ESYT3: variants seen among roughly 807,000 people sequenced by gnomAD.
ESYT3 encodes extended synaptotagmin-3.
A neutral mutation model predicts 111.5 loss-of-function variants in ESYT3; 101 were observed. The ratio of observed to expected loss-of-function variants is 0.91; its 90% CI spans 0.77 to 1.07. The LOEUF (loss-of-function observed/expected upper bound fraction) is 1.07. Among genes scored for constraint, ESYT3 ranks in the 50% least tolerant of loss-of-function variants. The pLI, the probability that ESYT3 is intolerant of heterozygous loss-of-function variation, is 0.00. For missense variants in ESYT3, 1,097 were observed against 1,109.4 expected (o/e 0.99, Z 0.16); for synonymous variants, 416 against 446.8 (o/e 0.93, Z 0.87).
In ESYT3 at chr3:138,460,680, A is replaced by G. The variant is rs377445374; in HGVS notation, c.794+14A>G. On this transcript the variant is annotated intron_variant, in intron 7 of 22. Coordinates refer to ENST00000389567, the MANE Select transcript of ESYT3 (RefSeq NM_031913.5). ...GCCGGGAATCAAGTAGGTGCCTGGG[A>G]GAGCCTCGAGGGAGATCATAAGTTT... 1.9e-6 allele frequency: 3 copies of G among 1,613,928 alleles called. No homozygotes were observed. Among genetic ancestry groups the G allele is most frequent in the South Asian group, 1.1e-5 (1 of 91,084 alleles).
At chr3:138,451,799 C>A (rs2031946970) in intron 1 of ESYT3, among the ~76,000 whole-genome samples, 1 of 151,102 alleles carries the variant, frequency 6.6e-6, no homozygotes, top group South Asian at 2.1e-4. Flanking sequence ...GGTGCCAGCT[C>A]GTTGTCTGTT....
Position 138,472,609 on chromosome 3 carries a change from G to A in ESYT3, c.1987G>A (p.Gly663Ser). The A allele has an allele frequency of 1.2e-6, 2 of 1,614,206 alleles. No homozygotes were observed. Among genetic ancestry groups the A allele is most frequent in the East Asian group, 4.5e-5 (2 of 44,886 alleles). Reference protein sequence around the residue: ...VATEPTSQETGPEPKGKDSAK... With the variant: ...VATEPTSQETSPEPKGKDSAK... ...CACTGAGCCCACATCCCAAGAGACA[G>A]GCCCAGAGCCTAAAGGCAAGGACAG... is the stretch of plus-strand genomic sequence containing the variant. Residue 663 changes from glycine (G) to serine (S), a missense_variant, in exon 18 of 23, where the codon GGC (glycine) becomes AGC (serine). Physicochemically the swap from Gly to Ser is moderately conservative, Grantham distance 56. Transcript: ENST00000389567.
rs2032207346 is a variant in ESYT3 at position 138,455,292 on chromosome 3, G to GACCTTT, written c.478_483dup (p.Phe160_Thr161dup). 1.9e-6 allele frequency: 3 copies of GACCTTT among 1,613,970 alleles called. No individual in the cohort carries two copies. The African/African-American group carries it at 4.0e-5, about 22-fold the overall frequency. Reference sequence around the variant, plus strand: ...TCCGAGAGAAGAGCATCCACCTGAGGACCTTTACCTTTACCAAGCTCTACT... The same window carrying GACCTTT: ...TCCGAGAGAAGAGCATCCACCTGAGGACCTTTACCTTTACCTTTACCAAGCTCTACT... On this transcript the variant is annotated inframe_insertion, in exon 3 of 23. Coordinates refer to ENST00000389567, the MANE Select transcript of ESYT3 (RefSeq NM_031913.5).
intron 2 of ESYT3, 74 bp downstream of exon 2, chr3:138,452,163 A>G (rs2031982510): frequency 6.9e-7 from 1 of 1,444,726 alleles, no homozygotes; most frequent in Non-Finnish European, 9.5e-7. Context: ...TCACCCCCAC[A>G]GCCTGATGGG....
chr3:138,457,355 T>C (rs183245542), intron 3 of ESYT3, among the ~76,000 whole-genome samples: 222 of 152,236 alleles, frequency 1.5e-3, no homozygotes, highest in African/African-American at 5.1e-3. Flanking sequence ...TCTGTGTGGC[T>C]GTGTGAGTAG....
intron 10 of ESYT3, among the ~76,000 whole-genome samples, chr3:138,466,898 C>CTGCT (rs965194234): frequency 6.6e-6 from 1 of 152,146 alleles, no homozygotes; most frequent in Admixed American, 6.5e-5. Context: ...GATGTCCCCG[C>CTGCT]TTCTTTTTAA....
At chr3:138,469,356 TCC>T in intron 14 of ESYT3, 78 bp from the exon 15 acceptor site, 1 of 1,249,166 alleles carries the variant, frequency 8.0e-7, no homozygotes, top group Non-Finnish European at 1.2e-6. Context: ...CCCCAGATGC[TCC>T]TGGGGGTTGG....
intron 1 of ESYT3, among the ~76,000 whole-genome samples, chr3:138,451,486 ATTGT>A (rs1377715204): frequency 1.3e-5 from 2 of 152,166 alleles, no homozygotes; most frequent in Non-Finnish European, 2.9e-5. Context: ...GAGACTGCAT[ATTGT>A]TTGTGTCATT....
intron 1 of ESYT3, among the ~76,000 whole-genome samples, chr3:138,448,475 T>TA (rs538321957): frequency 7.5e-6 from 1 of 133,776 alleles, no homozygotes; most frequent in African/African-American, 3.7e-5. Context: ...AAAGATGCAA[T>TA]TTTTTTTTTA....
chr3:138,455,627 C>T lies in ESYT3; in HGVS notation c.504+299C>T, dbSNP rs768894844. On this transcript the variant is annotated intron_variant, in intron 3 of 22. Coordinates refer to ENST00000389567, the MANE Select transcript of ESYT3 (RefSeq NM_031913.5). ...TTTCTTAAGGAAAACTTTGAAGACA[C>T]GCCATGGTGGTAGCCAGACAGATAC... 5.3e-5 allele frequency among the ~76,000 whole-genome samples: 8 copies of T among 152,294 alleles called. No homozygotes were observed. In the East Asian group the frequency reaches 7.7e-4, roughly 15 times the overall value.
chr3:138,480,500 A>G (rs1457435742), downstream of ESYT3: 1 of 152,240 alleles, frequency 6.6e-6, no homozygotes, highest in Non-Finnish European at 1.5e-5. Flanking sequence ...CTAAATTGCT[A>G]GAATTAACCA....
At position 138,478,903 on chromosome 3, in the gene ESYT3, C is replaced by T. The variant is rs929495698; in HGVS notation, c.*2049C>T. On this transcript the variant is annotated 3_prime_UTR_variant, in exon 23 of 23. Transcript: ENST00000389567. The stretch of plus-strand genomic sequence containing the variant: ...TCATCTTGGTACAGAAACCCCCAAA[C>T]CTAAGACGGAATGTGAATATTGGTT... 6.6e-6 allele frequency: 1 copy of T among 152,130 alleles called. No individual in the cohort carries two copies. The highest frequency in any genetic ancestry group is 6.6e-5 in the Admixed American group (1 of 15,266). The allele number at this position is 152,130 out of a possible 1,614,324, so 9.4% of individuals were successfully genotyped here. A position where few individuals can be genotyped will look rare whatever the true frequency, so the allele number is the denominator to read the frequency against.
chr3:138,467,504 C>A, intron 10 of ESYT3, 57 bp from the exon 11 acceptor site: 1 of 1,559,214 alleles, frequency 6.4e-7, no homozygotes, highest in Non-Finnish European at 8.8e-7. Context: ...GGCCTCCATG[C>A]CCTCTGCTGC....
intron 1 of ESYT3, among the ~76,000 whole-genome samples, chr3:138,443,584 T>C (rs1312648406): frequency 6.6e-6 from 1 of 152,138 alleles, no homozygotes; most frequent in Non-Finnish European, 1.5e-5. Flanking sequence ...CAGGGGTGTA[T>C]TGTCTGTAAG....
At chr3:138,436,698 G>C (rs1304187625) in intron 1 of ESYT3, among the ~76,000 whole-genome samples, 1 of 152,126 alleles carries the variant, frequency 6.6e-6, no homozygotes, top group Non-Finnish European at 1.5e-5. Context: ...GATTCTGAAA[G>C]GTGTGGACCC....
At chr3:138,456,006 A>ACC (rs1237183255) in intron 3 of ESYT3, among the ~76,000 whole-genome samples, 6 of 152,176 alleles carry the variant, frequency 3.9e-5, no homozygotes, top group Non-Finnish European at 5.9e-5. Flanking sequence ...AGTAAATGAG[A>ACC]GGCACTGGCA....
In ESYT3 at chr3:138,479,863, T is replaced by C. The variant is rs909280992; in HGVS notation, c.*3009T>C. ...TCTGCATCCTGAAGTTGATATTCTG[T>C]ATCCCCTAGAGTCCACTTCTACCCC... is the stretch of plus-strand genomic sequence containing the variant. On this transcript the variant is annotated 3_prime_UTR_variant, in exon 23 of 23. Transcript: ENST00000389567. 1 of 152,210 alleles carries C rather than the reference T, an allele frequency of 6.6e-6. No homozygotes were observed. Among genetic ancestry groups the C allele is most frequent in the African/African-American group, 2.4e-5 (1 of 41,430 alleles). The allele number at this position is 152,210 out of a possible 1,614,324, so 9.4% of individuals were successfully genotyped here.
chr3:138,447,916 A>C (rs2108599022), intron 1 of ESYT3, among the ~76,000 whole-genome samples: 1 of 152,218 alleles, frequency 6.6e-6, no homozygotes, highest in Non-Finnish European at 1.5e-5. Context: ...TCTAAAATTC[A>C]TACAGAACAA....
At chr3:138,446,584 G>T (rs2031557401) in intron 1 of ESYT3, among the ~76,000 whole-genome samples, 1 of 152,166 alleles carries the variant, frequency 6.6e-6, no homozygotes, top group African/African-American at 2.4e-5. Context: ...GTTGTTATAT[G>T]CTTGTAAAGG....
Sources: gnomAD v4.1 joint callset for allele counts (sites outside exome capture counted in the v4.1 genomes callset) on GRCh38, gnomAD v4.1.1 for gene constraint, MANE v1.5 for transcripts, NCBI Gene and HGNC (gene_info 2026-07-23, HGNC 2026-07-21) for gene names.